Variants in NGLY1 observed in about 807,000 individuals in gnomAD.
NGLY1 encodes the protein peptide-N(4)-(N-acetyl-beta-glucosaminyl)asparagine amidase.
NGLY1 carries 68 observed loss-of-function variants against 84.6 expected under a neutral mutation model. The ratio of observed to expected loss-of-function variants is 0.80; its 90% CI spans 0.66 to 0.98. NGLY1 has a LOEUF of 0.98. Ranked by LOEUF, NGLY1 falls within the 50% of genes least tolerant of loss-of-function variation. The pLI is 0.00. For missense variants in NGLY1, 779 were observed against 770.2 expected, an observed-to-expected ratio of 1.01 and a Z score of -0.14; for synonymous variants, 280 against 275.2, an observed-to-expected ratio of 1.02 and a Z score of -0.17.
At chr3:25,737,158 C>CT in intron 6 of NGLY1, 176 bp downstream of exon 6, 1 of 533,242 alleles carries the variant, frequency 1.9e-6, no homozygotes, top group Non-Finnish European at 3.3e-6. Context: ...TTACAAAACT[C>CT]TTGTGATCCC....
intron 3 of NGLY1, among the ~76,000 whole-genome samples, chr3:25,757,562 G>A (rs1707105373): frequency 6.6e-6 from 1 of 152,110 alleles, no homozygotes; most frequent in Admixed American, 6.5e-5. Flanking sequence ...ACTACCGAAT[G>A]GTAAAAACCA....
At chr3:25,785,670 CA>C (rs5847372), upstream of NGLY1, among the ~76,000 whole-genome samples, 121,787 of 149,264 alleles carry the variant, frequency 0.82, 49,871 homozygotes, top group East Asian at 0.94. Flanking sequence ...CCCATCTCTA[CA>C]AAAAAAAAAC....
chr3:25,786,181 C>T (rs112738231), upstream of NGLY1, among the ~76,000 whole-genome samples: 1,061 of 152,076 alleles, frequency 7.0e-3, 10 homozygotes, highest in African/African-American at 0.024. Flanking sequence ...GTTAGCCAGG[C>T]GTGTTAGTGC....
chr3:25,767,600 A>C (rs928989764), intron 2 of NGLY1, among the ~76,000 whole-genome samples: 2 of 152,222 alleles, frequency 1.3e-5, no homozygotes, highest in African/African-American at 4.8e-5. Context: ...TTTCATTTCA[A>C]CATCACTCTC....
intron 4 of NGLY1, among the ~76,000 whole-genome samples, chr3:25,748,380 G>A (rs1168999670): frequency 1.3e-5 from 2 of 152,038 alleles, no homozygotes; most frequent in South Asian, 2.1e-4. Flanking sequence ...TGGGGGAGAC[G>A]ACAAGAACAC....
intron 10 of NGLY1, among the ~76,000 whole-genome samples, chr3:25,721,743 C>T (rs201047549): frequency 1.3e-5 from 1 of 75,958 alleles, no homozygotes; most frequent in Non-Finnish European, 2.4e-5. Context: ...AGCAAGACTC[C>T]ATCTCAAAAA....
intron 1 of NGLY1, among the ~76,000 whole-genome samples, chr3:25,782,023 T>C (rs1485548240): frequency 6.6e-6 from 1 of 152,014 alleles, no homozygotes; most frequent in African/African-American, 2.4e-5. Context: ...AAAAGGTGAG[T>C]TGAGAAGGTG....
At chr3:25,737,497 A>G in intron 5 of NGLY1, 42 bp from the exon 6 acceptor site, 1 of 1,485,112 alleles carries the variant, frequency 6.7e-7, no homozygotes, top group East Asian at 2.3e-5. Flanking sequence ...CAAAATCAAG[A>G]TTTTTAAGAG....
At chr3:25,755,923 T>A (rs1222426118) in intron 3 of NGLY1, among the ~76,000 whole-genome samples, 1 of 152,210 alleles carries the variant, frequency 6.6e-6, no homozygotes, top group East Asian at 1.9e-4. Context: ...ATTCTGTTTT[T>A]GAGACACTTT....
rs373032026 is a variant in NGLY1 at position 25,734,019 on chromosome 3, T to C, written c.1150-37A>G. ...AACAGAATACAAATACTTAACAAGATTACAACCATCAACCTTTACTTACTA... is the reference window on the plus strand; with the variant it reads ...AACAGAATACAAATACTTAACAAGACTACAACCATCAACCTTTACTTACTA... On this transcript the variant is annotated intron_variant, in intron 7 of 11. Coordinates refer to ENST00000280700, the MANE Select transcript of NGLY1 (RefSeq NM_018297.4). 1,011 of 1,604,720 alleles carry C rather than the reference T, an allele frequency of 6.3e-4. 11 individuals are homozygous for C. The South Asian group carries it at 7.6e-3, about 12-fold the overall frequency.
intron 4 of NGLY1, among the ~76,000 whole-genome samples, chr3:25,740,194 C>T (rs896523460): frequency 6.6e-6 from 1 of 152,102 alleles, no homozygotes; most frequent in Non-Finnish European, 1.5e-5. Flanking sequence ...CAGGTATATA[C>T]ACAAGTAAAC....
At chr3:25,725,698 C>G (rs886343426) in intron 10 of NGLY1, among the ~76,000 whole-genome samples, 1 of 152,062 alleles carries the variant, frequency 6.6e-6, no homozygotes, top group Admixed American at 6.6e-5. Flanking sequence ...GGAACCCACC[C>G]CTCCACATAT....
At chr3:25,789,856 G>C (rs1708684166) in intron 1 of NGLY1, 1 of 1,551,746 alleles carries the variant, frequency 6.4e-7, no homozygotes, top group Non-Finnish European at 8.7e-7. Flanking sequence ...GGGTGAAAAT[G>C]CTACCTCATC....
Position 25,758,365 on chromosome 3 carries a change from C to T in NGLY1, c.492+5701G>A, listed in dbSNP as rs1158592358. Among the ~76,000 whole-genome samples, 3 of 152,026 alleles carry T rather than the reference C, an allele frequency of 2.0e-5. No homozygotes were observed. The East Asian group carries it at 5.8e-4, about 29-fold the overall frequency. On this transcript the variant is annotated intron_variant, in intron 3 of 11. Transcript: ENST00000280700. ...CTGAGGCAGGCGGATTGCTTGAGAC[C>T]AGGAGTTCCAGACCACCCTGAGCAA...
rs140855534 is a variant in NGLY1, at chr3:25,773,362, C to T, written c.246+5212G>A. 5.8e-3 allele frequency among the ~76,000 whole-genome samples: 880 copies of T among 152,200 alleles called. 3 individuals carry two copies. Among genetic ancestry groups the T allele is most frequent in the Middle Eastern group, 0.027 (8 of 294 alleles). ...TTGTCTTTGTTGGATTGGGTTAATACGAAAGCCTCATCTTTGAGCTCTGAA... is the reference window on the plus strand; with the variant it reads ...TTGTCTTTGTTGGATTGGGTTAATATGAAAGCCTCATCTTTGAGCTCTGAA... On this transcript the variant is annotated intron_variant, in intron 2 of 11. Transcript: ENST00000280700.
chr3:25,736,602 GTTTCA>G, intron 6 of NGLY1: 1 of 418,582 alleles, frequency 2.4e-6, no homozygotes, highest in Non-Finnish European at 4.2e-6. Context: ...TTAATGGAAG[GTTTCA>G]TTTAATTCTT....
At chr3:25,788,935 A>G (rs1708660954) in intron 1 of NGLY1, among the ~76,000 whole-genome samples, 1 of 152,204 alleles carries the variant, frequency 6.6e-6, no homozygotes, top group South Asian at 2.1e-4. Flanking sequence ...ATTCTTCTGT[A>G]GGGGTAGGAA....
rs1268139211 is a variant in NGLY1 at position 25,737,404 on chromosome 3, C to T, written c.933G>A (p.Glu311=). 6.2e-7 allele frequency: 1 copy of T among 1,613,902 alleles called. No homozygotes were observed. Among genetic ancestry groups the T allele is most frequent in the Non-Finnish European group, 8.5e-7 (1 of 1,179,998 alleles). ...AGCACAGTGTAAAACAATTGGCCCACTCGCCACACCGTCCACATCTTGTTT... is the reference window on the plus strand; with the variant it reads ...AGCACAGTGTAAAACAATTGGCCCATTCGCCACACCGTCCACATCTTGTTT... ...LLETRCGRCG[E]WANCFTLCCR... Residue 311 remains glutamate, a synonymous_variant, in exon 6 of 12, where the codon GAG becomes GAA. Coordinates refer to ENST00000280700, the MANE Select transcript of NGLY1 (RefSeq NM_018297.4).
intron 2 of NGLY1, among the ~76,000 whole-genome samples, chr3:25,777,127 G>A (rs930082358): frequency 2.0e-5 from 3 of 152,178 alleles, no homozygotes; most frequent in African/African-American, 4.8e-5. Flanking sequence ...TGGGCACGGC[G>A]GCTCACGCCT....
Sources: gnomAD v4.1 joint callset for allele counts (sites outside exome capture counted in the v4.1 genomes callset) on GRCh38, gnomAD v4.1.1 for gene constraint, MANE v1.5 for transcripts, NCBI Gene and HGNC (gene_info 2026-07-23, HGNC 2026-07-21) for gene names.